Variants in AP4S1 observed in about 807,000 individuals in gnomAD.
AP4S1 encodes the protein AP-4 complex subunit sigma-1.
A neutral mutation model predicts 19.8 loss-of-function variants in AP4S1; 23 were observed. The ratio of observed to expected loss-of-function variants is 1.16; its 90% CI spans 0.84 to 1.65. The LOEUF is 1.65. Ranked by LOEUF, AP4S1 falls within the 40% of genes most tolerant of loss-of-function variation. The probability of loss-of-function intolerance (pLI) is 0.00; values close to 1 mark genes in which losing one functional copy is unlikely to be tolerated. For missense variants in AP4S1, 166 were observed against 172.8 expected (o/e 0.96, Z 0.22); for synonymous variants, 46 against 54.1 (o/e 0.85, Z 0.66).
At chr14:31,057,802 A>G (rs1259470504) in intron 1 of AP4S1, among the ~76,000 whole-genome samples, 2 of 151,614 alleles carry the variant, frequency 1.3e-5, no homozygotes, top group Non-Finnish European at 2.9e-5. Flanking sequence ...ATTTTTTTGT[A>G]TTTTTAGTAG....
chr14:31,037,263 C>G (rs1479665022), intron 1 of AP4S1, among the ~76,000 whole-genome samples: 1 of 151,922 alleles, frequency 6.6e-6, no homozygotes, highest in Non-Finnish European at 1.5e-5. Flanking sequence ...TTTGGCCCCA[C>G]CAATTAATTA....
At chr14:31,028,586 TAC>T in intron 1 of AP4S1, among the ~76,000 whole-genome samples, 1 of 127,630 alleles carries the variant, frequency 7.8e-6, no homozygotes, top group East Asian at 2.2e-4. Context: ...CTCAAAGACA[TAC>T]ACACACATAC....
intron 3 of AP4S1, among the ~76,000 whole-genome samples, chr14:31,071,986 A>G (rs1887037616): frequency 6.6e-6 from 1 of 151,288 alleles, no homozygotes; most frequent in African/African-American, 2.4e-5. Flanking sequence ...CAGTGGCACA[A>G]TCTTGGCTCA....
chr14:31,052,160 A>G (rs371124370), intron 1 of AP4S1, among the ~76,000 whole-genome samples: 8 of 152,024 alleles, frequency 5.3e-5, no homozygotes, highest in Admixed American at 5.2e-4. Flanking sequence ...AGTCACAACC[A>G]CTAGGGAGGC....
chr14:31,058,516 T>C lies in AP4S1; in HGVS notation c.-71-7610T>C, dbSNP rs564403465. Among the ~76,000 whole-genome samples the C allele has an allele frequency of 1.2e-4, 15 of 129,440 alleles. No individual in the cohort carries two copies. The South Asian group carries it at 3.2e-3, about 27-fold the overall frequency. The allele number at this position is 129,440 out of a possible 152,430, so 84.9% of individuals were successfully genotyped here. A position where few individuals can be genotyped will look rare whatever the true frequency, so the allele number is the denominator to read the frequency against. On this transcript the variant is annotated intron_variant, in intron 1 of 5. Transcript: ENST00000542754. ...TGGTCATCAAAACATCTTCCCCATCTCTGTGTGTGTATGTGTGTGTGTGTG... is the reference window on the plus strand; with the variant it reads ...TGGTCATCAAAACATCTTCCCCATCCCTGTGTGTGTATGTGTGTGTGTGTG...
chr14:31,087,876 G>A (rs1317606984), intron 5 of AP4S1, among the ~76,000 whole-genome samples: 1 of 152,182 alleles, frequency 6.6e-6, no homozygotes, highest in African/African-American at 2.4e-5. Context: ...CTCTCCAAAA[G>A]TGGAGTTCAC....
rs1329898322 is a variant in AP4S1, at chr14:31,049,429, ATATAT to A, written c.-71-16696_-71-16692del. ...ACTCGGTCTCAAAAAAAAAAAAAAA[ATATAT>A]ATATATATATATATATATATATATA... On this transcript the variant is annotated intron_variant, in intron 1 of 5. Transcript: ENST00000542754. Among the ~76,000 whole-genome samples the A allele has an allele frequency of 9.8e-3, 350 of 35,846 alleles. 8 individuals are homozygous for A. The highest frequency in any genetic ancestry group is 0.029 in the African/African-American group (271 of 9,268). 23.5% of individuals were successfully genotyped at this position (35,846 alleles called of 152,430 possible). A position where few individuals can be genotyped will look rare whatever the true frequency, so the allele number is the denominator to read the frequency against.
At chr14:31,032,365 C>A (rs1347898152) in intron 1 of AP4S1, among the ~76,000 whole-genome samples, 1 of 152,040 alleles carries the variant, frequency 6.6e-6, no homozygotes, top group Non-Finnish European at 1.5e-5. Flanking sequence ...ATGATGTCAA[C>A]AAAGATAGGT....
At position 31,072,993 on chromosome 14, in the gene AP4S1, A is replaced by G. The variant is rs1887097694; in HGVS notation, c.294+20A>G. 6.2e-7 allele frequency: 1 copy of G among 1,606,834 alleles called. No homozygotes were observed. Among genetic ancestry groups the G allele is most frequent in the Non-Finnish European group, 8.5e-7 (1 of 1,173,540 alleles). On this transcript the variant is annotated intron_variant, in intron 4 of 5. Coordinates refer to ENST00000542754, the MANE Select transcript of AP4S1 (RefSeq NM_001128126.3). ...CGAGTGGTAAGTCTAATGGCTAAAA[A>G]ATGGTTTACTTCCTCAACCCAGTTT...
chr14:31,052,139 C>T (rs1046934522), intron 1 of AP4S1, among the ~76,000 whole-genome samples: 4 of 151,924 alleles, frequency 2.6e-5, no homozygotes, highest in South Asian at 4.1e-4. Context: ...GGTGTGATGA[C>T]GTGTGCCTAG....
At chr14:31,067,019 G>A (rs1434571850) in intron 2 of AP4S1, among the ~76,000 whole-genome samples, 2 of 152,182 alleles carry the variant, frequency 1.3e-5, no homozygotes, top group Non-Finnish European at 2.9e-5. Flanking sequence ...TGGATCACTA[G>A]AGGTCAGAAG....
At chr14:31,047,117 T>C (rs1466042830) in intron 1 of AP4S1, among the ~76,000 whole-genome samples, 1 of 152,136 alleles carries the variant, frequency 6.6e-6, no homozygotes, top group Non-Finnish European at 1.5e-5. Flanking sequence ...TGTTGAACAT[T>C]TTTTCACATG....
intron 1 of AP4S1, among the ~76,000 whole-genome samples, chr14:31,029,362 A>C (rs1884246060): frequency 6.6e-6 from 1 of 152,190 alleles, no homozygotes; most frequent in African/African-American, 2.4e-5. Flanking sequence ...TAAGCATATA[A>C]ATTGATCTAG....
At chr14:31,090,201 G>C (rs140673076) in intron 5 of AP4S1, among the ~76,000 whole-genome samples, 31 of 152,182 alleles carry the variant, frequency 2.0e-4, no homozygotes, top group African/African-American at 7.5e-4. Flanking sequence ...GGCCAGGCTG[G>C]TCTCGATCTC....
chr14:31,030,703 A>G (rs974233327), intron 1 of AP4S1, among the ~76,000 whole-genome samples: 8 of 152,014 alleles, frequency 5.3e-5, no homozygotes, highest in Non-Finnish European at 8.8e-5. Context: ...CAGGTGCTCT[A>G]CTGCTCCCTG....
chr14:31,074,980 G>A lies in AP4S1; in HGVS notation c.294+2007G>A, dbSNP rs373733009. 1.7e-4 allele frequency among the ~76,000 whole-genome samples: 26 copies of A among 152,106 alleles called. No individual in the cohort carries two copies. In the East Asian group the frequency reaches 3.1e-3, roughly 18 times the overall value. ...CATATAATGTATAAAAACCAAATCA[G>A]GATAATTAGGATCTCTATCACCTTA... On this transcript the variant is annotated intron_variant, in intron 4 of 5. Coordinates refer to ENST00000542754, the MANE Select transcript of AP4S1 (RefSeq NM_001128126.3).
At chr14:31,048,338 G>A (rs1252282581) in intron 1 of AP4S1, among the ~76,000 whole-genome samples, 1 of 151,888 alleles carries the variant, frequency 6.6e-6, no homozygotes, top group African/African-American at 2.4e-5. Flanking sequence ...CTGACGTCAG[G>A]TGATCCACCC....
intron 5 of AP4S1, 158 bp downstream of exon 5, chr14:31,080,742 A>T: frequency 9.9e-7 from 1 of 1,006,324 alleles, no homozygotes; most frequent in East Asian, 2.4e-5. Context: ...GTTCTGCAGA[A>T]CTCCTCCCCA....
At position 31,025,868 on chromosome 14, in the gene AP4S1, C is replaced by T. The variant is rs769592321; in HGVS notation, c.-72+81C>T. The T allele has an allele frequency of 1.8e-5, 28 of 1,580,692 alleles. No individual in the cohort carries two copies. In the South Asian group the frequency reaches 2.4e-4, roughly 14 times the overall value. On this transcript the variant is annotated intron_variant, in intron 1 of 5. Coordinates refer to ENST00000542754, the MANE Select transcript of AP4S1 (RefSeq NM_001128126.3). ...CCCACCCCCCGGCCGGGAACCCAGC[C>T]GCCGCAGCTCCCGCACACCGACCCC...
Sources: allele counts gnomAD v4.1 joint callset (sites outside exome capture counted in the v4.1 genomes callset), GRCh38; gene constraint gnomAD v4.1.1; transcripts MANE v1.5; gene names NCBI Gene and HGNC (gene_info 2026-07-23, HGNC 2026-07-21).